The following TNNI3K variants were observed in gnomAD, a reference collection of about 807,000 sequenced individuals.
TNNI3K encodes the protein serine/threonine-protein kinase TNNI3K.
In TNNI3K, 140 loss-of-function variants were observed where a neutral mutation model predicts 114.5. The ratio of observed to expected loss-of-function variants is 1.22; its 90% CI spans 1.07 to 1.41. The LOEUF is 1.41. Ranked by LOEUF, TNNI3K falls within the 40% of genes most tolerant of loss-of-function variation. The pLI, the probability that TNNI3K is intolerant of heterozygous loss-of-function variation, is 0.00. For missense variants in TNNI3K, 1,125 were observed against 1,007.6 expected (o/e 1.12, Z -1.58); for synonymous variants, 347 against 347.5 (o/e 1.00, Z 0.02).
intron 17 of TNNI3K, among the ~76,000 whole-genome samples, chr1:74,391,021 G>A (rs7530846): frequency 1 from 149,959 of 150,350 alleles, 74,787 homozygotes; most frequent in Middle Eastern, 1. Flanking sequence ...GTGATAGAAA[G>A]TAAAATAAAA....
intron 2 of TNNI3K, among the ~76,000 whole-genome samples, chr1:74,245,810 CA>C (rs2100837901): frequency 6.6e-6 from 1 of 152,266 alleles, no homozygotes; most frequent in Non-Finnish European, 1.5e-5. Context: ...TTTATTTTCA[CA>C]GCCATGGGAA....
rs143358985 is a variant in TNNI3K at position 74,401,744 on chromosome 1, G to A, written c.1772+31352G>A. On this transcript the variant is annotated intron_variant, in intron 17 of 24. Coordinates refer to ENST00000326637, the MANE Select transcript of TNNI3K (RefSeq NM_015978.3). ...TAAGATGTCAAATATGATCAGATTC[G>A]TCTTTGCCATGTAAATTCAAACCAT... 130 of 416,348 alleles carry A rather than the reference G, an allele frequency of 3.1e-4. 2 individuals carry two copies. Among genetic ancestry groups the A allele is most frequent in the Admixed American group, 2.4e-4 (9 of 37,324 alleles). 25.8% of individuals were successfully genotyped at this position (416,348 alleles called of 1,614,324 possible). A position where few individuals can be genotyped will look rare whatever the true frequency, so the allele number is the denominator to read the frequency against.
At chr1:74,522,331 TA>T (rs1646444806) in intron 23 of TNNI3K, among the ~76,000 whole-genome samples, 1 of 152,098 alleles carries the variant, frequency 6.6e-6, no homozygotes, top group Non-Finnish European at 1.5e-5. Flanking sequence ...TGTGCATAAA[TA>T]AAGGCAGTGA....
intron 21 of TNNI3K, chr1:74,465,019 C>T (rs1667606969): frequency 2.7e-6 from 3 of 1,113,880 alleles, no homozygotes; most frequent in African/African-American, 3.3e-5. Flanking sequence ...TTTAGGAAAA[C>T]ATTTTCTTGT....
chr1:74,409,492 CTTTT>C (rs540218540), intron 17 of TNNI3K, among the ~76,000 whole-genome samples: 1 of 124,912 alleles, frequency 8.0e-6, no homozygotes, highest in African/African-American at 3.1e-5. Flanking sequence ...CTATTTGTTT[CTTTT>C]TTTTTTTTTT....
intron 17 of TNNI3K, among the ~76,000 whole-genome samples, chr1:74,419,563 A>G (rs894090548): frequency 1.3e-5 from 2 of 151,882 alleles, no homozygotes; most frequent in Non-Finnish European, 2.9e-5. Context: ...ATTTGTGTGT[A>G]TGTGTGTTTG....
chr1:74,421,465 CAT>C (rs1254451106), intron 17 of TNNI3K, among the ~76,000 whole-genome samples: 1 of 152,048 alleles, frequency 6.6e-6, no homozygotes, highest in African/African-American at 2.4e-5. Flanking sequence ...ATTGAGGTAA[CAT>C]ATTTAGATAT....
chr1:74,396,083 G>A (rs6693806), intron 17 of TNNI3K, among the ~76,000 whole-genome samples: 90,317 of 152,084 alleles, frequency 0.59, 31,537 homozygotes, highest in East Asian at 0.83. Context: ...GAAAAAGAGC[G>A]TAATAAATAG....
intron 23 of TNNI3K, among the ~76,000 whole-genome samples, chr1:74,518,136 G>A (rs1315074094): frequency 1.3e-5 from 2 of 152,148 alleles, no homozygotes; most frequent in Non-Finnish European, 2.9e-5. Context: ...TCAAGAAGAA[G>A]CAAAGAAATG....
At chr1:74,254,298 G>A (rs1283870451) in intron 4 of TNNI3K, among the ~76,000 whole-genome samples, 2 of 152,186 alleles carry the variant, frequency 1.3e-5, no homozygotes, top group Non-Finnish European at 2.9e-5. Flanking sequence ...ACATTGAGAT[G>A]ATATTAACAT....
intron 20 of TNNI3K, among the ~76,000 whole-genome samples, chr1:74,445,755 C>T (rs920971119): frequency 1.1e-4 from 16 of 151,152 alleles, no homozygotes; most frequent in South Asian, 4.2e-4. Context: ...GGACTACAGG[C>T]GCCCGCCACT....
At chr1:74,285,148 C>T (rs1033757872) in intron 5 of TNNI3K, among the ~76,000 whole-genome samples, 4 of 152,148 alleles carry the variant, frequency 2.6e-5, no homozygotes, top group Non-Finnish European at 5.9e-5. Flanking sequence ...TTATAAGGCC[C>T]GTGTCCAGAT....
chr1:74,302,243 A>G (rs921938531), intron 5 of TNNI3K, among the ~76,000 whole-genome samples: 18 of 152,188 alleles, frequency 1.2e-4, no homozygotes, highest in African/African-American at 3.6e-4. Flanking sequence ...ACTTAATACA[A>G]ATTTTATGTA....
intron 23 of TNNI3K, among the ~76,000 whole-genome samples, chr1:74,534,166 T>G (rs982247511): frequency 6.6e-6 from 1 of 152,076 alleles, no homozygotes; most frequent in Non-Finnish European, 1.5e-5. Context: ...TAGTAGAACG[T>G]AATGTTCTGG....
intron 20 of TNNI3K, among the ~76,000 whole-genome samples, chr1:74,446,969 T>C (rs1015176771): frequency 1.4e-5 from 1 of 72,912 alleles, no homozygotes; most frequent in African/African-American, 4.8e-5. Context: ...TGAAGTCAGG[T>C]AATGTGATGC....
At chr1:74,345,000 T>C (rs1271613019) in intron 9 of TNNI3K, among the ~76,000 whole-genome samples, 1 of 152,074 alleles carries the variant, frequency 6.6e-6, no homozygotes, top group Non-Finnish European at 1.5e-5. Context: ...AATATATATG[T>C]ATATATATGT....
intron 12 of TNNI3K, 56 bp from the exon 13 acceptor site, chr1:74,367,852 T>C: frequency 6.7e-7 from 1 of 1,499,832 alleles, no homozygotes; most frequent in Non-Finnish European, 9.0e-7. Flanking sequence ...TGTTGAACTT[T>C]TATGTAGAAA....
chr1:74,474,457 G>T (rs375341542), intron 21 of TNNI3K, among the ~76,000 whole-genome samples: 1 of 151,880 alleles, frequency 6.6e-6, no homozygotes, highest in East Asian at 1.9e-4. Context: ...TTATCCAGTC[G>T]CCCCAAAATG....
At chr1:74,387,533 G>T (rs1264608050) in intron 17 of TNNI3K, among the ~76,000 whole-genome samples, 1 of 152,172 alleles carries the variant, frequency 6.6e-6, no homozygotes, top group African/African-American at 2.4e-5. Context: ...CAAAAGCTGG[G>T]CTTGGCTTGC....
Sources: allele counts gnomAD v4.1 joint callset (sites outside exome capture counted in the v4.1 genomes callset), GRCh38; gene constraint gnomAD v4.1.1; transcripts MANE v1.5; gene names NCBI Gene and HGNC (gene_info 2026-07-23, HGNC 2026-07-21).